PRR23B: variants seen among roughly 807,000 people sequenced by gnomAD.
The protein encoded by PRR23B is proline rich 23B.
For synonymous variants in PRR23B, 157 were observed against 168.0 expected (o/e 0.93, Z 0.51); for missense variants, 375 against 371.7 (o/e 1.01, Z -0.07).
rs1576489828 is a variant in PRR23B, at chr3:139,019,886, C to G, written c.776G>C (p.Arg259Pro). Residue 259 changes from arginine (R) to proline (P), a missense_variant, in exon 1 of 1, where the codon CGG (arginine) becomes CCG (proline). Arg to Pro is a moderately radical substitution (Grantham distance 103). Coordinates refer to ENST00000329447, the MANE Select transcript of PRR23B (RefSeq NM_001013650.2). The part of the protein sequence containing the change: ...PLPERPPCKA[R>P]RRLFQA Reference sequence around the variant, plus strand: ...GGTCTATGCCTGGAACAGGCGTCTCCGGGCCTTGCACGGAGGGCGTTCCGG... The same window carrying G: ...GGTCTATGCCTGGAACAGGCGTCTCGGGGCCTTGCACGGAGGGCGTTCCGG... The G allele has an allele frequency of 1.2e-6, 2 of 1,604,560 alleles. No individual in the cohort carries two copies. The highest frequency in any genetic ancestry group is 3.4e-5 in the Admixed American group (2 of 58,460).
chr3:139,020,074 T>C lies in PRR23B; in HGVS notation c.588A>G (p.Glu196=), dbSNP rs1236305566. The C allele has an allele frequency of 3.7e-6, 6 of 1,613,408 alleles. No individual in the cohort carries two copies. The highest frequency in any genetic ancestry group is 5.1e-6 in the Non-Finnish European group (6 of 1,179,858). ...FIPYREGPIP[E]PCALAPNPSS... Reference sequence around the variant, plus strand: ...TGGGGTTGGGGGCCAGAGCACAGGGTTCTGGGATGGGGCCCTCCCGGTAGG... The same window carrying C: ...TGGGGTTGGGGGCCAGAGCACAGGGCTCTGGGATGGGGCCCTCCCGGTAGG... The change falls in exon 1 of 1, where the codon GAA becomes GAG. Residue 196 remains glutamate, a synonymous_variant. Transcript: ENST00000329447.
In PRR23B at chr3:139,019,801, C is replaced by T. The variant is rs377425301; in HGVS notation, c.*63G>A. On this transcript the variant is annotated 3_prime_UTR_variant, in exon 1 of 1. Transcript: ENST00000329447. The stretch of plus-strand genomic sequence containing the variant: ...TTGGATACTCAATGTGAGAGATTCC[C>T]GCAATCCTAGAGGGCCTCCAGCAGA... 12 of 1,485,710 alleles carry T rather than the reference C, an allele frequency of 8.1e-6. No homozygotes were observed. The highest frequency in any genetic ancestry group is 6.8e-5 in the South Asian group (5 of 73,838). The allele number at this position is 1,485,710 out of a possible 1,614,324, so 92.0% of individuals were successfully genotyped here.
rs1414894579 is a variant in PRR23B, at chr3:139,020,897, G to A, written c.-236C>T. On this transcript the variant is annotated 5_prime_UTR_variant, in exon 1 of 1. It adds an upstream start codon to the 5' untranslated region. Transcript: ENST00000329447. ...CCGGCCACCGGGCTCAGCTTAGCTC[G>A]TTGGACCCTTGGGCCTTCCTGATGC... is the stretch of plus-strand genomic sequence containing the variant. 3 of 550,058 alleles carry A rather than the reference G, an allele frequency of 5.5e-6. No individual in the cohort carries two copies. The highest frequency in any genetic ancestry group is 9.5e-6 in the Non-Finnish European group (3 of 314,764). The allele number at this position is 550,058 out of a possible 1,614,324, so 34.1% of individuals were successfully genotyped here.
rs1247658986 is a variant in PRR23B at position 139,020,781 on chromosome 3, G to A, written c.-120C>T. 11 of 1,283,256 alleles carry A rather than the reference G, an allele frequency of 8.6e-6. No homozygotes were observed. The East Asian group carries it at 2.3e-4, about 26-fold the overall frequency. The allele number at this position is 1,283,256 out of a possible 1,614,324, so 79.5% of individuals were successfully genotyped here. A position where few individuals can be genotyped will look rare whatever the true frequency, so the allele number is the denominator to read the frequency against. The stretch of plus-strand genomic sequence containing the variant: ...GTAGGGGAGGCTGGTTGGGACGAGC[G>A]GGGCGCAGGACCGCGCGACGCGGGG... On this transcript the variant is annotated 5_prime_UTR_variant, in exon 1 of 1. Transcript: ENST00000329447.
Position 139,020,132 on chromosome 3 carries a change from C to T in PRR23B, c.530G>A (p.Gly177Glu). ...RMDSPTGSAA[G>E]LYPSSRSMFI... ...CATACTTCTAGAGGAGGGGTAGAGC[C>T]CAGCGGCTGAGCCGGTTGGGGAGTC... is the stretch of plus-strand genomic sequence containing the variant. Residue 177 changes from glycine (G) to glutamate (E), a missense_variant, in exon 1 of 1, where the codon GGG (glycine) becomes GAG (glutamate). Physicochemically the swap from Gly to Glu is moderately conservative, Grantham distance 98. Transcript: ENST00000329447. The T allele has an allele frequency of 1.2e-6, 2 of 1,614,070 alleles. No individual in the cohort carries two copies. Among genetic ancestry groups the T allele is most frequent in the African/African-American group, 1.3e-5 (1 of 75,040 alleles).
rs1470010075 is a variant in PRR23B, at chr3:139,019,719, G to T, written c.*145C>A. 3 of 717,430 alleles carry T rather than the reference G, an allele frequency of 4.2e-6. No homozygotes were observed. Among genetic ancestry groups the T allele is most frequent in the African/African-American group, 3.6e-5 (2 of 56,054 alleles). The allele number at this position is 717,430 out of a possible 1,614,324, so 44.4% of individuals were successfully genotyped here. A position where few individuals can be genotyped will look rare whatever the true frequency, so the allele number is the denominator to read the frequency against. The stretch of plus-strand genomic sequence containing the variant: ...GCTGACGTCTTCATCTCCTACTATC[G>T]GTAGTGTGCAGCGAAAAAGCAATTG... On this transcript the variant is annotated 3_prime_UTR_variant, in exon 1 of 1. Transcript: ENST00000329447.
rs751920625 is a variant in PRR23B at position 139,019,168 on chromosome 3, G to A, written c.*696C>T. ...GATTTTAAAAGGTATAAAATAATGT[G>A]GAATAGCAGGAATGCAAACACTTTC... On this transcript the variant is annotated 3_prime_UTR_variant, in exon 1 of 1. Transcript: ENST00000329447. 6.6e-6 allele frequency: 1 copy of A among 151,972 alleles called. No homozygotes were observed. Among genetic ancestry groups the A allele is most frequent in the East Asian group, 1.9e-4 (1 of 5,192 alleles). 9.4% of individuals were successfully genotyped at this position (151,972 alleles called of 1,614,324 possible).
chr3:139,020,300 C>G lies in PRR23B; in HGVS notation c.362G>C (p.Gly121Ala). 1 of 1,614,096 alleles carries G rather than the reference C, an allele frequency of 6.2e-7. No homozygotes were observed. Among genetic ancestry groups the G allele is most frequent in the Non-Finnish European group, 8.5e-7 (1 of 1,179,992 alleles). The change falls in exon 1 of 1, where the codon GGG becomes GCG. Residue 121 changes from glycine (G) to alanine (A), a missense_variant. Physicochemically the swap from Gly to Ala is moderately conservative, Grantham distance 60. Transcript: ENST00000329447. ...RSGAQHDSSA[G>A]LEVDVFLGAV... ...GCCCAGGAAAACGTCCACTTCCAGC[C>G]CGGCAGACGAGTCGTGCTGCGCTCC...
At position 139,019,852 on chromosome 3, in the gene PRR23B, G is replaced by C. The variant is rs369585927; in HGVS notation, c.*12C>G. The C allele has an allele frequency of 2.0e-5, 32 of 1,567,288 alleles. No homozygotes were observed. In the African/African-American group the frequency reaches 2.3e-4, roughly 11 times the overall value. On this transcript the variant is annotated 3_prime_UTR_variant, in exon 1 of 1. Coordinates refer to ENST00000329447, the MANE Select transcript of PRR23B (RefSeq NM_001013650.2). ...GCGGCCAGGATTGTTGTGTGTACGT[G>C]GGGGTGGGGGTCTATGCCTGGAACA...
rs1936944436 is a variant in PRR23B, at chr3:139,020,797, C to G, written c.-136G>C. The stretch of plus-strand genomic sequence containing the variant: ...GGGACGAGCGGGGCGCAGGACCGCG[C>G]GACGCGGGGCGAGTCCTCGGAGCTC... On this transcript the variant is annotated 5_prime_UTR_variant, in exon 1 of 1. Transcript: ENST00000329447. The G allele has an allele frequency of 8.9e-7, 1 of 1,126,518 alleles. No individual in the cohort carries two copies. Among genetic ancestry groups the G allele is most frequent in the Non-Finnish European group, 1.2e-6 (1 of 828,700 alleles). 69.8% of individuals were successfully genotyped at this position (1,126,518 alleles called of 1,614,324 possible).
At position 139,020,393 on chromosome 3, in the gene PRR23B, A is replaced by G. The variant is rs200563451; in HGVS notation, c.269T>C (p.Val90Ala). The change falls in exon 1 of 1, where the codon GTG (valine) becomes GCG (alanine). Residue 90 changes from valine (V) to alanine (A), a missense_variant. Val to Ala is a moderately conservative substitution (Grantham distance 64). Coordinates refer to ENST00000329447, the MANE Select transcript of PRR23B (RefSeq NM_001013650.2). ...LEPAPTSILR[V>A]SLGGHTLILI... ...GATGAGGGTGTGTCCACCGAGAGACACTCGCAGGATCGACGTTGGTGCGGG... is the reference window on the plus strand; with the variant it reads ...GATGAGGGTGTGTCCACCGAGAGACGCTCGCAGGATCGACGTTGGTGCGGG... 5.6e-5 allele frequency: 90 copies of G among 1,613,896 alleles called. 1 individual carries two copies. In the East Asian group the frequency reaches 1.8e-3, roughly 32 times the overall value.
Position 139,020,173 on chromosome 3 carries a change from G to T in PRR23B, c.489C>A (p.Phe163Leu), listed in dbSNP as rs1936932386. 6.2e-7 allele frequency: 1 copy of T among 1,613,944 alleles called. No individual in the cohort carries two copies. Among genetic ancestry groups the T allele is most frequent in the Admixed American group, 1.7e-5 (1 of 60,008 alleles). ...TTGGGGAGTCCATCCGGAGCTCCGG[G>T]AACTCGGGGTCCGCGTCCTCCTCGT... is the stretch of plus-strand genomic sequence containing the variant. ...EAYEEDADPEFPELRMDSPTG... is the reference protein window; with the variant it reads ...EAYEEDADPELPELRMDSPTG... The change falls in exon 1 of 1, where the codon TTC becomes TTA. Residue 163 changes from phenylalanine to leucine, a missense_variant. By Grantham distance (22) the Phe-to-Leu change is conservative (BLOSUM62 0). Transcript: ENST00000329447.
Position 139,020,509 on chromosome 3 carries a change from G to C in PRR23B, c.153C>G (p.Asp51Glu). The C allele has an allele frequency of 6.4e-7, 1 of 1,574,060 alleles. No homozygotes were observed. The highest frequency in any genetic ancestry group is 8.6e-7 in the Non-Finnish European group (1 of 1,161,734). ...TGGAGGTGAGCGCGTCCACGGCCGG[G>C]TCCCCCGCCGGGTCTTCCAGGCTGG... is the stretch of plus-strand genomic sequence containing the variant. ...AAPSLEDPAG[D>E]PAVDALTSIV... Residue 51 changes from aspartate (D) to glutamate (E), a missense_variant, in exon 1 of 1, where the codon GAC becomes GAG. Physicochemically the swap from Asp to Glu is conservative, Grantham distance 45. Transcript: ENST00000329447.
Position 139,020,404 on chromosome 3 carries a change from C to T in PRR23B, c.258G>A (p.Ser86=), listed in dbSNP as rs201722828. 9.9e-6 allele frequency: 16 copies of T among 1,613,950 alleles called. No homozygotes were observed. The highest frequency in any genetic ancestry group is 1.4e-5 in the Non-Finnish European group (16 of 1,180,000). The part of the protein sequence containing the change: ...VDLVLEPAPT[S]ILRVSLGGHT... ...GTCCACCGAGAGACACTCGCAGGAT[C>T]GACGTTGGTGCGGGCTCCAGCACCA... Residue 86 remains serine, a synonymous_variant, in exon 1 of 1, where the codon TCG becomes TCA. Coordinates refer to ENST00000329447, the MANE Select transcript of PRR23B (RefSeq NM_001013650.2).
chr3:139,020,123 G>A lies in PRR23B; in HGVS notation c.539C>T (p.Pro180Leu), dbSNP rs564542639. 1 of 1,613,332 alleles carries A rather than the reference G, an allele frequency of 6.2e-7. No homozygotes were observed. Among genetic ancestry groups the A allele is most frequent in the Non-Finnish European group, 8.5e-7 (1 of 1,179,984 alleles). Residue 180 changes from proline to leucine, a missense_variant, in exon 1 of 1, where the codon CCC becomes CTC. Transcript: ENST00000329447. ...GGGGATGAACATACTTCTAGAGGAG[G>A]GGTAGAGCCCAGCGGCTGAGCCGGT... ...SPTGSAAGLY[P>L]SSRSMFIPYR...
At position 139,019,661 on chromosome 3, in the gene PRR23B, T is replaced by C. The variant is rs1378394987; in HGVS notation, c.*203A>G. On this transcript the variant is annotated 3_prime_UTR_variant, in exon 1 of 1. Coordinates refer to ENST00000329447, the MANE Select transcript of PRR23B (RefSeq NM_001013650.2). ...CTGGTATCCTTGCGCAGATTTTCTA[T>C]TTAAAGATGAGGTCTAGAATATACC... The C allele has an allele frequency of 4.1e-6, 2 of 493,430 alleles. No individual in the cohort carries two copies. The highest frequency in any genetic ancestry group is 6.9e-6 in the Non-Finnish European group (2 of 288,988). 30.6% of individuals were successfully genotyped at this position (493,430 alleles called of 1,614,324 possible). A position where few individuals can be genotyped will look rare whatever the true frequency, so the allele number is the denominator to read the frequency against.
At position 139,020,439 on chromosome 3, in the gene PRR23B, C is replaced by G; in HGVS notation, c.223G>C (p.Asp75His). The G allele has an allele frequency of 1.9e-6, 3 of 1,613,126 alleles. No homozygotes were observed. The highest frequency in any genetic ancestry group is 2.5e-6 in the Non-Finnish European group (3 of 1,179,736). ...AGCALRVPLD[D>H]VDLVLEPAPT... Reference sequence around the variant, plus strand: ...GCGGGCTCCAGCACCAGGTCGACGTCGTCCAGGGGCACACGCAGGGCACAG... The same window carrying G: ...GCGGGCTCCAGCACCAGGTCGACGTGGTCCAGGGGCACACGCAGGGCACAG... Residue 75 changes from aspartate to histidine, a missense_variant, in exon 1 of 1, where the codon GAC becomes CAC. Asp to His is a moderately conservative substitution (Grantham distance 81). Transcript: ENST00000329447.
rs1936926378 is a variant in PRR23B at position 139,019,825 on chromosome 3, G to C, written c.*39C>G. 1.3e-6 allele frequency: 2 copies of C among 1,521,722 alleles called. No individual in the cohort carries two copies. Among genetic ancestry groups the C allele is most frequent in the Non-Finnish European group, 1.8e-6 (2 of 1,135,902 alleles). The allele number at this position is 1,521,722 out of a possible 1,614,324, so 94.3% of individuals were successfully genotyped here. A position where few individuals can be genotyped will look rare whatever the true frequency, so the allele number is the denominator to read the frequency against. Reference sequence around the variant, plus strand: ...CCGCAATCCTAGAGGGCCTCCAGCAGAGCGGCCAGGATTGTTGTGTGTACG... The same window carrying C: ...CCGCAATCCTAGAGGGCCTCCAGCACAGCGGCCAGGATTGTTGTGTGTACG... On this transcript the variant is annotated 3_prime_UTR_variant, in exon 1 of 1. Coordinates refer to ENST00000329447, the MANE Select transcript of PRR23B (RefSeq NM_001013650.2).
At position 139,020,739 on chromosome 3, in the gene PRR23B, A is replaced by C. The variant is rs1936941515; in HGVS notation, c.-78T>G. On this transcript the variant is annotated 5_prime_UTR_variant, in exon 1 of 1. Coordinates refer to ENST00000329447, the MANE Select transcript of PRR23B (RefSeq NM_001013650.2). ...AGCGCGGCGGTGAAGTCCTCTTTGA[A>C]GTAACAGATGTCGGTGGTAGGGGAG... 7.1e-7 allele frequency: 1 copy of C among 1,413,968 alleles called. No homozygotes were observed. Among genetic ancestry groups the C allele is most frequent in the Non-Finnish European group, 9.2e-7 (1 of 1,085,244 alleles). 87.6% of individuals were successfully genotyped at this position (1,413,968 alleles called of 1,614,324 possible).
Sources: allele counts gnomAD v4.1 joint callset, GRCh38; gene constraint gnomAD v4.1.1; transcripts MANE v1.5; gene names NCBI Gene and HGNC (gene_info 2026-07-23, HGNC 2026-07-21).